The following UBE4A variants were observed in gnomAD, a reference collection of about 807,000 sequenced individuals.
The protein encoded by UBE4A is ubiquitin conjugation factor E4 A.
UBE4A carries 48 observed loss-of-function variants against 117.9 expected under a neutral mutation model. That is an observed-to-expected ratio of 0.41 (90% CI 0.32 to 0.52). The LOEUF (loss-of-function observed/expected upper bound fraction) is 0.52, where lower values mean the gene tolerates loss of function less well. Ranked by LOEUF, UBE4A falls within the 20% of genes least tolerant of loss-of-function variation. The pLI is 0.33. For synonymous variants in UBE4A, 407 were observed against 450.0 expected (o/e 0.90, Z 1.21); for missense variants, 1,067 against 1,296.3 (o/e 0.82, Z 2.72).
At chr11:118,394,733 C>G (rs1948852814) in intron 19 of UBE4A, among the ~76,000 whole-genome samples, 1 of 150,306 alleles carries the variant, frequency 6.7e-6, no homozygotes, top group Non-Finnish European at 1.5e-5. Context: ...AAGATCACAC[C>G]ACCGCACTCC....
chr11:118,377,854 A>T (rs537031292), intron 10 of UBE4A, among the ~76,000 whole-genome samples: 2 of 151,554 alleles, frequency 1.3e-5, no homozygotes. Flanking sequence ...TTGAGACTGC[A>T]GTGAGCCGAG....
Position 118,397,746 on chromosome 11 carries a change from C to G in UBE4A, c.*1306C>G, listed in dbSNP as rs1555130078. ...TGATAGGATCAAGAAATGGGTGTCA[C>G]TGCTTCATTTGGAACATGTTATTAA... On this transcript the variant is annotated 3_prime_UTR_variant, in exon 20 of 20. Coordinates refer to ENST00000252108, the MANE Select transcript of UBE4A (RefSeq NM_001204077.2). 6.6e-6 allele frequency: 1 copy of G among 152,196 alleles called. No individual in the cohort carries two copies. Among genetic ancestry groups the G allele is most frequent in the Non-Finnish European group, 1.5e-5 (1 of 68,038 alleles). The allele number at this position is 152,196 out of a possible 1,614,324, so 9.4% of individuals were successfully genotyped here. A position where few individuals can be genotyped will look rare whatever the true frequency, so the allele number is the denominator to read the frequency against.
intron 16 of UBE4A, 130 bp downstream of exon 16, chr11:118,386,742 C>T (rs958460020): frequency 4.9e-5 from 51 of 1,048,058 alleles, no homozygotes; most frequent in African/African-American, 2.3e-4. Context: ...GGAAGGGAAA[C>T]GAATCACTTG....
At position 118,376,573 on chromosome 11, in the gene UBE4A, G is replaced by C. The variant is rs1555125408; in HGVS notation, c.1451-1G>C. On this transcript the variant is annotated splice_acceptor_variant, in intron 9 of 19. Transcript: ENST00000252108. LOFTEE classifies it high-confidence loss of function. ...TCTTTTTTTTTTTTAACTTCTTTGA[G>C]GTTTGGACAAAGAAACCTGTTTGAT... 6.2e-7 allele frequency: 1 copy of C among 1,611,864 alleles called. No homozygotes were observed. Among genetic ancestry groups the C allele is most frequent in the Non-Finnish European group, 8.5e-7 (1 of 1,179,166 alleles).
At chr11:118,370,930 A>G (rs980110034) in intron 4 of UBE4A, among the ~76,000 whole-genome samples, 1 of 152,210 alleles carries the variant, frequency 6.6e-6, no homozygotes, top group Non-Finnish European at 1.5e-5. Flanking sequence ...AAAAGCACCA[A>G]GCAATTCAGG....
At chr11:118,383,336 G>A (rs1370955407) in intron 13 of UBE4A, among the ~76,000 whole-genome samples, 1 of 152,066 alleles carries the variant, frequency 6.6e-6, no homozygotes, top group Non-Finnish European at 1.5e-5. Flanking sequence ...GCTCATGCTT[G>A]TAATCCCAGC....
chr11:118,388,476 C>A (rs1020198323), intron 16 of UBE4A, among the ~76,000 whole-genome samples: 1 of 151,780 alleles, frequency 6.6e-6, no homozygotes, highest in Non-Finnish European at 1.5e-5. Context: ...TAGTGAAACC[C>A]CGTCTATACT....
chr11:118,368,655 A>T lies in UBE4A; in HGVS notation c.146A>T (p.Asp49Val). 1 of 1,614,136 alleles carries T rather than the reference A, an allele frequency of 6.2e-7. No individual in the cohort carries two copies. The highest frequency in any genetic ancestry group is 1.1e-5 in the South Asian group (1 of 91,078). ...GATGAACTCCCAGCTAGCCCAGATG[A>T]CTCGGATAATAGCGTGTCAGAGAGC... The part of the protein sequence containing the change: ...QSDELPASPD[D>V]SDNSVSESLD... Residue 49 changes from aspartate (D) to valine (V), a missense_variant, in exon 3 of 20, where the codon GAC becomes GTC. Around this residue, in one of 3 missense-constraint regions of UBE4A, gnomAD observed 1,001 missense variants for 1,184.0 expected, o/e 0.85. Coordinates refer to ENST00000252108, the MANE Select transcript of UBE4A (RefSeq NM_001204077.2).
chr11:118,368,849 C>G (rs1948585786), intron 3 of UBE4A, 45 bp downstream of exon 3: 1 of 1,601,290 alleles, frequency 6.2e-7, no homozygotes, highest in Non-Finnish European at 8.5e-7. Flanking sequence ...CCTATTTGAG[C>G]TTGGGCTAGG....
intron 13 of UBE4A, 136 bp downstream of exon 13, chr11:118,382,912 A>T: frequency 3.2e-5 from 22 of 684,926 alleles, no homozygotes; most frequent in Non-Finnish European, 4.3e-5. Flanking sequence ...AGGCTTGATG[A>T]TAAGTGCTTT....
At chr11:118,376,140 G>T (rs1395853620) in intron 9 of UBE4A, among the ~76,000 whole-genome samples, 1 of 152,302 alleles carries the variant, frequency 6.6e-6, no homozygotes, top group African/African-American at 2.4e-5. Flanking sequence ...GATAGGTGGG[G>T]CTGGATTGGA....
intron 19 of UBE4A, among the ~76,000 whole-genome samples, chr11:118,394,395 C>T (rs1948849053): frequency 6.6e-6 from 1 of 152,166 alleles, no homozygotes; most frequent in African/African-American, 2.4e-5. Context: ...CTCCTGGGCT[C>T]AAGCAGTCCA....
At chr11:118,382,474 CT>C (rs1332195753) in intron 12 of UBE4A, 114 bp from the exon 13 acceptor site, 107 of 776,844 alleles carry the variant, frequency 1.4e-4, no homozygotes, top group South Asian at 1.9e-4. Flanking sequence ...GAAGTGGATC[CT>C]TTTTTTTCCT....
At chr11:118,360,211 A>C (rs889931924) in intron 1 of UBE4A, among the ~76,000 whole-genome samples, 17 of 152,210 alleles carry the variant, frequency 1.1e-4, no homozygotes, top group Admixed American at 1.1e-3. Flanking sequence ...TGGGTTTAGA[A>C]GACACTTCTA....
intron 1 of UBE4A, among the ~76,000 whole-genome samples, chr11:118,364,697 TTAG>T (rs1165675555): frequency 2.6e-5 from 4 of 152,134 alleles, no homozygotes; most frequent in Admixed American, 2.0e-4. Context: ...GTTATTACAA[TTAG>T]TAGGTGAGTT....
Position 118,371,641 on chromosome 11 carries a change from C to G in UBE4A, c.536C>G (p.Ser179Cys), listed in dbSNP as rs2134091167. 6.2e-7 allele frequency: 1 copy of G among 1,613,172 alleles called. No homozygotes were observed. The highest frequency in any genetic ancestry group is 8.5e-7 in the Non-Finnish European group (1 of 1,179,980). Reference sequence around the variant, plus strand: ...AGGCACATTTTTTGTTACCTTTACTCCTGCTTCCAGAGAGCCAAGGAAGAG... The same window carrying G: ...AGGCACATTTTTTGTTACCTTTACTGCTGCTTCCAGAGAGCCAAGGAAGAG... ...GERHIFCYLY[S>C]CFQRAKEEIT... Residue 179 changes from serine to cysteine, a missense_variant, in exon 5 of 20, where the codon TCC (serine) becomes TGC (cysteine). Physicochemically the swap from Ser to Cys is moderately radical, Grantham distance 112 (BLOSUM62 -1). Transcript: ENST00000252108.
chr11:118,376,823 A>G lies in UBE4A; in HGVS notation c.1571+129A>G, dbSNP rs1948656710. 3 of 1,150,426 alleles carry G rather than the reference A, an allele frequency of 2.6e-6. No homozygotes were observed. In the South Asian group the frequency reaches 5.5e-5, roughly 21 times the overall value. 71.3% of individuals were successfully genotyped at this position (1,150,426 alleles called of 1,614,324 possible). On this transcript the variant is annotated intron_variant, in intron 10 of 19. Transcript: ENST00000252108. ...TCAGGATTTTGGGAGGCCAAGGCAGAAGGATTGCTTGAGGCCAGAAGTTTA... is the reference window on the plus strand; with the variant it reads ...TCAGGATTTTGGGAGGCCAAGGCAGGAGGATTGCTTGAGGCCAGAAGTTTA...
At chr11:118,377,293 C>T (rs1329462239) in intron 10 of UBE4A, among the ~76,000 whole-genome samples, 3 of 152,122 alleles carry the variant, frequency 2.0e-5, no homozygotes, top group Admixed American at 6.6e-5. Flanking sequence ...CTGCAACCTC[C>T]GCCTCCTGGG....
chr11:118,374,792 G>T, intron 8 of UBE4A, 104 bp from the exon 9 acceptor site: 1 of 1,073,120 alleles, frequency 9.3e-7, no homozygotes. Context: ...TGAGGGGAAA[G>T]ATTAGGATTA....
Sources: gnomAD v4.1 joint callset for allele counts (sites outside exome capture counted in the v4.1 genomes callset) on GRCh38, gnomAD v4.1.1 for gene constraint, gnomAD v4.1.1 regional missense constraint, MANE v1.5 for transcripts, NCBI Gene and HGNC (gene_info 2026-07-23, HGNC 2026-07-21) for gene names.